Variants in MTHFD1L observed in about 807,000 individuals in gnomAD.
MTHFD1L encodes monofunctional C1-tetrahydrofolate synthase, mitochondrial.
MTHFD1L carries 81 observed loss-of-function variants against 119.5 expected under a neutral mutation model. The ratio of observed to expected loss-of-function variants is 0.68; its 90% CI spans 0.57 to 0.82. The LOEUF (loss-of-function observed/expected upper bound fraction) is 0.82. Ranked by LOEUF, MTHFD1L falls within the 40% of genes least tolerant of loss-of-function variation. The probability of loss-of-function intolerance (pLI) is 0.00; values close to 1 mark genes in which losing one functional copy is unlikely to be tolerated. For missense variants in MTHFD1L, 1,125 were observed against 1,253.4 expected (o/e 0.90, Z 1.55); for synonymous variants, 430 against 475.2 (o/e 0.90, Z 1.24).
intron 8 of MTHFD1L, chr6:150,912,727 T>C (rs746623846): frequency 1.8e-5 from 9 of 512,876 alleles, no homozygotes; most frequent in Non-Finnish European, 1.2e-5. Flanking sequence ...GACTTGTCCC[T>C]GGAGAAATCA....
chr6:151,037,173 C>A lies in MTHFD1L; in HGVS notation c.2847+56C>A, dbSNP rs1258960770. The stretch of plus-strand genomic sequence containing the variant: ...CCCATTCTGCATTGCTGTGGTGCCT[C>A]AAATCGTTATGCTCCGCCCGCTCTT... On this transcript the variant is annotated intron_variant, in intron 26 of 27. Transcript: ENST00000367321. 1.2e-4 allele frequency: 187 copies of A among 1,585,648 alleles called. 1 individual carries two copies. Among genetic ancestry groups the A allele is most frequent in the Non-Finnish European group, 1.6e-4 (181 of 1,157,804 alleles).
intron 9 of MTHFD1L, among the ~76,000 whole-genome samples, chr6:150,918,921 C>T (rs913564819): frequency 2.0e-5 from 3 of 152,030 alleles, no homozygotes; most frequent in Admixed American, 6.6e-5. Flanking sequence ...TAAATTATCC[C>T]AAAATTTAGC....
chr6:151,092,320 T>C (rs1794523656), intron 26 of MTHFD1L, 147 bp from the exon 27 acceptor site: 1 of 549,574 alleles, frequency 1.8e-6, no homozygotes, highest in Non-Finnish European at 3.1e-6. Context: ...AATTGAAATA[T>C]CAGATGACAA....
chr6:150,922,119 T>A, intron 9 of MTHFD1L, 86 bp from the exon 10 acceptor site: 1 of 960,878 alleles, frequency 1.0e-6, no homozygotes, highest in Non-Finnish European at 1.6e-6. Flanking sequence ...TTTTGTAACA[T>A]CCACAAACAA....
intron 21 of MTHFD1L, among the ~76,000 whole-genome samples, chr6:151,010,486 C>A (rs1346819867): frequency 6.6e-6 from 1 of 152,184 alleles, no homozygotes; most frequent in Non-Finnish European, 1.5e-5. Context: ...ATTATGATTT[C>A]TCCTCACAAC....
intron 26 of MTHFD1L, among the ~76,000 whole-genome samples, chr6:151,079,863 G>A (rs1252578650): frequency 1.3e-5 from 2 of 149,628 alleles, no homozygotes; most frequent in Non-Finnish European, 3.0e-5. Flanking sequence ...ATTTACTTTG[G>A]TAAAAATTAA....
rs567641403 is a variant in MTHFD1L at position 150,997,605 on chromosome 6, A to G, written c.2126-12214A>G. Among the ~76,000 whole-genome samples, 184 of 152,154 alleles carry G rather than the reference A, an allele frequency of 1.2e-3. 1 individual carries two copies. The highest frequency in any genetic ancestry group is 4.3e-3 in the Admixed American group (65 of 15,276). The stretch of plus-strand genomic sequence containing the variant: ...GGAGTTCGAGACCAGCCTGGGCAAC[A>G]TGTCAAAACCCCATCTCTACAAAAA... On this transcript the variant is annotated intron_variant, in intron 20 of 27. Coordinates refer to ENST00000367321, the MANE Select transcript of MTHFD1L (RefSeq NM_015440.5).
Position 150,912,885 on chromosome 6 carries a change from G to C in MTHFD1L, c.893-5692G>C, listed in dbSNP as rs1039607742. The C allele has an allele frequency of 7.7e-5, 13 of 168,348 alleles. No individual in the cohort carries two copies. In the East Asian group the frequency reaches 2.2e-3, roughly 28 times the overall value. 10.4% of individuals were successfully genotyped at this position (168,348 alleles called of 1,614,324 possible). ...GAGTCCTGCCCCTACACGGGCAGGG[G>C]GTGAAATAATGATTCCCTTTCTTAA... On this transcript the variant is annotated intron_variant, in intron 8 of 27. Coordinates refer to ENST00000367321, the MANE Select transcript of MTHFD1L (RefSeq NM_015440.5).
chr6:150,909,115 C>T (rs1478529381), intron 8 of MTHFD1L, among the ~76,000 whole-genome samples: 1 of 152,004 alleles, frequency 6.6e-6, no homozygotes, highest in Non-Finnish European at 1.5e-5. Flanking sequence ...AGAGATTTTC[C>T]TGATGGCTAA....
intron 27 of MTHFD1L, among the ~76,000 whole-genome samples, chr6:151,095,149 T>C (rs1354170708): frequency 1.3e-5 from 2 of 152,246 alleles, no homozygotes. Flanking sequence ...ATCTTTGTTA[T>C]TTCAGAAAAA....
intron 5 of MTHFD1L, 121 bp downstream of exon 5, chr6:150,883,007 AT>A (rs1194835875): frequency 1.9e-6 from 2 of 1,032,480 alleles, no homozygotes; most frequent in Non-Finnish European, 2.7e-6. Context: ...GGATAAAAAA[AT>A]CATTTTAAAT....
rs749678667 is a variant in MTHFD1L at position 150,877,747 on chromosome 6, C to T, written c.364-26C>T. The T allele has an allele frequency of 2.3e-5, 37 of 1,614,070 alleles. No individual in the cohort carries two copies. The East Asian group carries it at 3.1e-4, about 14-fold the overall frequency. ...TTAACAATACATTCTCTTATAGTGA[C>T]GAATAACCTTGTGTTCCTTTTTCAG... On this transcript the variant is annotated intron_variant, in intron 3 of 27. Transcript: ENST00000367321.
chr6:151,049,848 G>C (rs1788742352), intron 26 of MTHFD1L, among the ~76,000 whole-genome samples: 1 of 152,080 alleles, frequency 6.6e-6, no homozygotes, highest in Non-Finnish European at 1.5e-5. Flanking sequence ...TATAATGTTG[G>C]GGGTGTCACG....
In MTHFD1L at chr6:150,944,489, A is replaced by G. The variant is rs771500631; in HGVS notation, c.1444A>G (p.Asn482Asp). 6.2e-7 allele frequency: 1 copy of G among 1,611,040 alleles called. No homozygotes were observed. Among genetic ancestry groups the G allele is most frequent in the African/African-American group, 1.3e-5 (1 of 74,990 alleles). ...YAQVIPMEEF[N>D]LHLTGDIHAI... ...GAAAGATATCTTATTTCTCTAGTTC[A>G]ACCTTCACTTGACTGGAGACATCCA... The change falls in exon 14 of 28, where the codon AAC becomes GAC. Residue 482 changes from asparagine to aspartate, a missense_variant. Asn to Asp is a conservative substitution (Grantham distance 23, BLOSUM62 1). Around this residue, in one of 3 missense-constraint regions of MTHFD1L, gnomAD observed 1,058 missense variants for 1,151.2 expected, o/e 0.92. Coordinates refer to ENST00000367321, the MANE Select transcript of MTHFD1L (RefSeq NM_015440.5).
At chr6:151,050,049 C>A (rs111972000) in intron 26 of MTHFD1L, among the ~76,000 whole-genome samples, 19 of 152,300 alleles carry the variant, frequency 1.2e-4, no homozygotes, top group African/African-American at 4.6e-4. Context: ...GATAGCCAGA[C>A]ATGTGGAGCT....
chr6:151,060,379 AC>A (rs1163649215), intron 26 of MTHFD1L, among the ~76,000 whole-genome samples: 3 of 152,328 alleles, frequency 2.0e-5, no homozygotes, highest in Admixed American at 1.3e-4. Context: ...AGTGCTGGGT[AC>A]TAGGCCATTA....
chr6:151,007,701 C>T (rs1441850116), intron 20 of MTHFD1L, among the ~76,000 whole-genome samples: 1 of 152,144 alleles, frequency 6.6e-6, no homozygotes, highest in African/African-American at 2.4e-5. Flanking sequence ...ACAAAAGTCA[C>T]CCGGATTATC....
intron 20 of MTHFD1L, among the ~76,000 whole-genome samples, chr6:150,986,689 CA>C (rs1307268926): frequency 2.6e-5 from 4 of 152,140 alleles, no homozygotes; most frequent in Non-Finnish European, 5.9e-5. Flanking sequence ...GGCTGCAGAC[CA>C]GGGGGTTAGG....
intron 27 of MTHFD1L, among the ~76,000 whole-genome samples, chr6:151,098,001 C>T (rs1370130777): frequency 6.6e-6 from 1 of 152,070 alleles, no homozygotes; most frequent in African/African-American, 2.4e-5. Context: ...TGGCAAAACC[C>T]TGTCCCTACT....
Sources: allele counts gnomAD v4.1 joint callset (sites outside exome capture counted in the v4.1 genomes callset), GRCh38; gene constraint gnomAD v4.1.1; regional missense constraint gnomAD v4.1.1; transcripts MANE v1.5; gene names NCBI Gene and HGNC (gene_info 2026-07-23, HGNC 2026-07-21).